IL24: variants seen among roughly 807,000 people sequenced by gnomAD.
The protein encoded by IL24 is interleukin-24.
In IL24, 24 loss-of-function variants were observed where a neutral mutation model predicts 27.6. The ratio of observed to expected loss-of-function variants is 0.87; its 90% confidence interval spans 0.63 to 1.22. IL24 has a LOEUF of 1.22. IL24 is among the 50% of genes most tolerant of loss of function. IL24 has a pLI of 0.00. For synonymous variants in IL24, 99 were observed against 93.1 expected, an observed-to-expected ratio of 1.06 and a Z score of -0.36; for missense variants, 240 against 237.0, an observed-to-expected ratio of 1.01 and a Z score of -0.08.
chr1:206,901,882 C>T, intron 5 of IL24, 116 bp from the exon 6 acceptor site: 1 of 1,077,000 alleles, frequency 9.3e-7, no homozygotes, highest in Non-Finnish European at 1.4e-6. Flanking sequence ...ATGCAGGATT[C>T]AGCCCTGGGC....
At chr1:206,899,221 T>C (rs1055583991) in intron 2 of IL24, 99 bp from the exon 3 acceptor site, 2 of 1,266,626 alleles carry the variant, frequency 1.6e-6, no homozygotes, top group African/African-American at 3.0e-5. Flanking sequence ...TGGAGAGTGC[T>C]CGAGATTGGC....
intron 2 of IL24, among the ~76,000 whole-genome samples, chr1:206,899,062 C>A (rs538177298): frequency 2.4e-4 from 36 of 152,220 alleles, no homozygotes; most frequent in African/African-American, 8.4e-4. Flanking sequence ...AGGTGCAGGG[C>A]GTGTGGGTGT....
chr1:206,899,016 G>A (rs1396985123), intron 2 of IL24, among the ~76,000 whole-genome samples: 1 of 152,214 alleles, frequency 6.6e-6, no homozygotes. Context: ...TGACTCGCAG[G>A]TTGTAGGCTA....
At chr1:206,902,267 A>G (rs1678421159) in intron 6 of IL24, 195 bp downstream of exon 6, 1 of 985,226 alleles carries the variant, frequency 1.0e-6, no homozygotes, top group Admixed American at 6.2e-5. Flanking sequence ...TTTTTCTTCC[A>G]GTTTTCAAGT....
chr1:206,900,912 C>T (rs1392860713), intron 4 of IL24, among the ~76,000 whole-genome samples: 1 of 152,108 alleles, frequency 6.6e-6, no homozygotes, highest in Non-Finnish European at 1.5e-5. Context: ...CTTTCTTTCA[C>T]CACAATCAGG....
rs1025105070 is a variant in IL24, at chr1:206,903,218, A to C, written c.*159A>C. The C allele has an allele frequency of 1.6e-5, 10 of 637,420 alleles. No homozygotes were observed. The highest frequency in any genetic ancestry group is 2.5e-5 in the Non-Finnish European group (9 of 356,840). The allele number at this position is 637,420 out of a possible 1,614,324, so 39.5% of individuals were successfully genotyped here. A position where few individuals can be genotyped will look rare whatever the true frequency, so the allele number is the denominator to read the frequency against. On this transcript the variant is annotated 3_prime_UTR_variant, in exon 7 of 7. Coordinates refer to ENST00000294984, the MANE Select transcript of IL24 (RefSeq NM_006850.3). ...TTGTCAAAGAAGTCATTCTTTAAGC[A>C]GCGCCAGTGACAGTCAGGGAAGGTG... is the stretch of plus-strand genomic sequence containing the variant.
chr1:206,903,112 T>A lies in IL24; in HGVS notation c.*53T>A. ...TGGCACTGGTTTGTTCCCTGTGTCA[T>A]TTCAAACAGTCTCCCTTCCTATGCT... On this transcript the variant is annotated 3_prime_UTR_variant, in exon 7 of 7. Transcript: ENST00000294984. 2.1e-6 allele frequency: 3 copies of A among 1,437,122 alleles called. 1 individual carries two copies. Among genetic ancestry groups the A allele is most frequent in the Non-Finnish European group, 2.9e-6 (3 of 1,018,816 alleles). The allele number at this position is 1,437,122 out of a possible 1,614,324, so 89.0% of individuals were successfully genotyped here.
intron 2 of IL24, among the ~76,000 whole-genome samples, 166 bp from the exon 3 acceptor site, chr1:206,899,151 GCTT>G (rs1678272854): frequency 1.3e-5 from 2 of 152,210 alleles, no homozygotes; most frequent in African/African-American, 2.4e-5. Context: ...AAAGACCCCT[GCTT>G]CACCCCCACT....
rs572892869 is a variant in IL24 at position 206,902,559 on chromosome 1, T to G, written c.538-417T>G. 3 of 952,492 alleles carry G rather than the reference T, an allele frequency of 3.1e-6. No homozygotes were observed. The East Asian group carries it at 3.5e-4, about 110-fold the overall frequency. The allele number at this position is 952,492 out of a possible 1,614,324, so 59.0% of individuals were successfully genotyped here. ...AGCCCCCCTAAAAACATAAATGATT[T>G]CGATCACTTTTTTTTTTTTGAGGAA... On this transcript the variant is annotated intron_variant, in intron 6 of 6. Coordinates refer to ENST00000294984, the MANE Select transcript of IL24 (RefSeq NM_006850.3).
rs542728157 is a variant in IL24, at chr1:206,897,847, G to A, written c.15G>A (p.Gln5=). The A allele has an allele frequency of 6.2e-7, 1 of 1,610,440 alleles. No individual in the cohort carries two copies. Among genetic ancestry groups the A allele is most frequent in the Non-Finnish European group, 8.5e-7 (1 of 1,178,838 alleles). The part of the protein sequence containing the change: MNFQ[Q]RLQSLWTLAR... ...GAGACTGAGAGATGAATTTTCAACA[G>A]AGGCTGCAAAGCCTGTGGACTTTAG... Residue 5 remains glutamine (Q), a synonymous_variant, in exon 2 of 7, where the codon CAG becomes CAA. Transcript: ENST00000294984.
chr1:206,899,566 G>A (rs1456587260), intron 3 of IL24, 51 bp downstream of exon 3: 3 of 1,412,286 alleles, frequency 2.1e-6, no homozygotes, highest in Non-Finnish European at 1.9e-6. Flanking sequence ...TGGGGGCAGT[G>A]GGCCAGTGGG....
chr1:206,897,689 G>A, intron 1 of IL24, 42 bp from the exon 2 acceptor site: 2 of 697,312 alleles, frequency 2.9e-6, no homozygotes, highest in Non-Finnish European at 4.9e-6. Flanking sequence ...AAGGGGTCAA[G>A]GTGGGGACAG....
chr1:206,900,184 G>A, intron 3 of IL24, 111 bp from the exon 4 acceptor site: 1 of 992,576 alleles, frequency 1.0e-6, no homozygotes, highest in African/African-American at 1.6e-5. Context: ...TGGCCTTTGA[G>A]ATCTCACAGA....
At position 206,899,347 on chromosome 1, in the gene IL24, A is replaced by G; in HGVS notation, c.72A>G (p.Thr24=). 1 of 1,614,090 alleles carries G rather than the reference A, an allele frequency of 6.2e-7. No individual in the cohort carries two copies. Among genetic ancestry groups the G allele is most frequent in the African/African-American group, 1.3e-5 (1 of 75,060 alleles). ...ARPFCPPLLA[T]ASQMQMVVLP... is the part of the protein sequence containing the mutation. ...CCTTCTGCCCTCCTTTGCTGGCGACAGCCTCTCAAATGCAGATGGTTGTGC... is the reference window on the plus strand; with the variant it reads ...CCTTCTGCCCTCCTTTGCTGGCGACGGCCTCTCAAATGCAGATGGTTGTGC... The change falls in exon 3 of 7, where the codon ACA becomes ACG. Residue 24 remains threonine, a synonymous_variant. Transcript: ENST00000294984.
intron 4 of IL24, 79 bp from the exon 5 acceptor site, chr1:206,901,415 G>C: frequency 2.0e-6 from 3 of 1,474,830 alleles, no homozygotes; most frequent in Non-Finnish European, 2.7e-6. Context: ...ATCTTGCCTT[G>C]GGTGGCATGT....
At chr1:206,899,609 C>A in intron 3 of IL24, 94 bp downstream of exon 3, 1 of 1,059,166 alleles carries the variant, frequency 9.4e-7, no homozygotes, top group Non-Finnish European at 1.3e-6. Context: ...TTCTGGAGTC[C>A]TTCACAGCTT....
rs747191802 is a variant in IL24 at position 206,900,306 on chromosome 1, TA to T, written c.254del (p.Asn85ThrfsTer33). 1 of 1,613,914 alleles carries T rather than the reference TA, an allele frequency of 6.2e-7. No individual in the cohort carries two copies. Among genetic ancestry groups the T allele is most frequent in the East Asian group, 2.2e-5 (1 of 44,834 alleles). The part of the protein sequence containing the change: ...AVKDTMQAQD[N>X]ITSARLLQQE... ...TTCTGTTTGCCAAGCAAGCTCAGGA[TA>T]ACATCACGAGTGCCCGGCTGCTGCA... is the stretch of plus-strand genomic sequence containing the variant. On this transcript the variant is annotated frameshift_variant, in exon 4 of 7. Coordinates refer to ENST00000294984, the MANE Select transcript of IL24 (RefSeq NM_006850.3). LOFTEE classifies it high-confidence loss of function.
Position 206,899,457 on chromosome 1 carries a change from T to C in IL24, c.182T>C (p.Val61Ala). 1 of 1,613,736 alleles carries C rather than the reference T, an allele frequency of 6.2e-7. No homozygotes were observed. Among genetic ancestry groups the C allele is most frequent in the South Asian group, 1.1e-5 (1 of 91,034 alleles). ...GQEFHFGPCQ[V>A]KGVVPQKLWE... ...GAATTCCACTTTGGGCCCTGCCAAG[T>C]GAAGGGGGTTGTTCCCCAGAAACTG... The change falls in exon 3 of 7, where the codon GTG (valine) becomes GCG (alanine). Residue 61 changes from valine (V) to alanine (A), a missense_variant. Coordinates refer to ENST00000294984, the MANE Select transcript of IL24 (RefSeq NM_006850.3).
In IL24 at chr1:206,900,314, C is replaced by T. The variant is rs144126009; in HGVS notation, c.260C>T (p.Thr87Met). The change falls in exon 4 of 7, where the codon ACG (threonine) becomes ATG (methionine). Residue 87 changes from threonine (T) to methionine (M), a missense_variant. Thr to Met is a moderately conservative substitution (Grantham distance 81). Transcript: ENST00000294984. ...GCCAAGCAAGCTCAGGATAACATCA[C>T]GAGTGCCCGGCTGCTGCAGCAGGAG... ...KDTMQAQDNI[T>M]SARLLQQEVL... is the part of the protein sequence containing the mutation. 13 of 1,613,642 alleles carry T rather than the reference C, an allele frequency of 8.1e-6. No homozygotes were observed. Among genetic ancestry groups the T allele is most frequent in the Admixed American group, 5.0e-5 (3 of 59,970 alleles).
Sources: allele counts gnomAD v4.1 joint callset (sites outside exome capture counted in the v4.1 genomes callset), GRCh38; gene constraint gnomAD v4.1.1; transcripts MANE v1.5; gene names NCBI Gene and HGNC (gene_info 2026-07-23, HGNC 2026-07-21).